Variants in PPM1L observed in about 807,000 individuals in gnomAD.
The protein encoded by PPM1L is protein phosphatase 1L.
PPM1L carries 13 observed loss-of-function variants against 31.4 expected under a neutral mutation model. The ratio of observed to expected loss-of-function variants is 0.41; its 90% CI spans 0.27 to 0.66. The LOEUF is 0.66. Among genes scored for constraint, PPM1L ranks in the 30% least tolerant of loss-of-function variants. The pLI is 0.29. For missense variants in PPM1L, 326 were observed against 453.7 expected, an observed-to-expected ratio of 0.72 and a Z score of 2.56; for synonymous variants, 184 against 175.4, an observed-to-expected ratio of 1.05 and a Z score of -0.39.
At chr3:160,849,298 A>G (rs1714183533) in intron 1 of PPM1L, among the ~76,000 whole-genome samples, 1 of 152,202 alleles carries the variant, frequency 6.6e-6, no homozygotes, top group Admixed American at 6.5e-5. Context: ...CCAGAGCCAC[A>G]TTAGGGAATG....
chr3:160,957,797 T>C (rs1020128900), intron 1 of PPM1L, among the ~76,000 whole-genome samples: 4 of 152,100 alleles, frequency 2.6e-5, no homozygotes, highest in South Asian at 2.1e-4. Flanking sequence ...AGGATGGTCT[T>C]GATCTCCTGA....
At chr3:160,867,753 G>A (rs780443927) in intron 1 of PPM1L, among the ~76,000 whole-genome samples, 1 of 152,188 alleles carries the variant, frequency 6.6e-6, no homozygotes, top group Non-Finnish European at 1.5e-5. Flanking sequence ...CACAGTGCAA[G>A]TTGGTGGCAT....
intron 1 of PPM1L, among the ~76,000 whole-genome samples, chr3:160,945,643 T>C (rs1715384342): frequency 1.3e-5 from 2 of 152,152 alleles, no homozygotes; most frequent in Admixed American, 1.3e-4. Context: ...TCAGAGTTAC[T>C]TTTTAATCAT....
At chr3:160,817,100 G>A (rs1032742244) in intron 1 of PPM1L, among the ~76,000 whole-genome samples, 2 of 152,074 alleles carry the variant, frequency 1.3e-5, no homozygotes, top group Non-Finnish European at 2.9e-5. Flanking sequence ...GAACAAAAAG[G>A]AAGCTGTAGA....
At chr3:161,044,103 G>A (rs986560172) in intron 2 of PPM1L, among the ~76,000 whole-genome samples, 1 of 152,108 alleles carries the variant, frequency 6.6e-6, no homozygotes, top group Non-Finnish European at 1.5e-5. Context: ...GCAGTGGTGC[G>A]ATTTTGGTTC....
At chr3:160,783,327 C>T (rs904611055) in intron 1 of PPM1L, among the ~76,000 whole-genome samples, 15 of 152,076 alleles carry the variant, frequency 9.9e-5, no homozygotes, top group Admixed American at 2.0e-4. Flanking sequence ...AGGCTGGGTG[C>T]GGTGGCTCAC....
At chr3:160,814,686 A>G (rs541735160) in intron 1 of PPM1L, among the ~76,000 whole-genome samples, 1 of 144,526 alleles carries the variant, frequency 6.9e-6, no homozygotes, top group South Asian at 2.2e-4. Context: ...TATATGGTAT[A>G]TACCATACGT....
rs1186931971 is a variant in PPM1L, at chr3:161,058,118, CTTTTTT to C, written c.575-7266_575-7261del. Among the ~76,000 whole-genome samples, 35 of 54,926 alleles carry C rather than the reference CTTTTTT, an allele frequency of 6.4e-4. 1 individual carries two copies. The highest frequency in any genetic ancestry group is 2.8e-3 in the Admixed American group (9 of 3,264). 36.0% of individuals were successfully genotyped at this position (54,926 alleles called of 152,430 possible). A position where few individuals can be genotyped will look rare whatever the true frequency, so the allele number is the denominator to read the frequency against. ...TTAGTAGGGTCCATCATTTTCTTTC[CTTTTTT>C]TTTTTTTTTTTTTTTTTTGACGCAG... is the stretch of plus-strand genomic sequence containing the variant. On this transcript the variant is annotated intron_variant, in intron 2 of 3. Transcript: ENST00000498165.
intron 1 of PPM1L, among the ~76,000 whole-genome samples, chr3:160,938,397 T>A (rs936819452): frequency 6.6e-6 from 1 of 152,238 alleles, no homozygotes; most frequent in Non-Finnish European, 1.5e-5. Context: ...CCTTTAGGTT[T>A]ATGGAGTTTA....
intron 2 of PPM1L, among the ~76,000 whole-genome samples, chr3:161,007,782 G>A (rs1717761139): frequency 6.6e-6 from 1 of 152,098 alleles, no homozygotes. Flanking sequence ...TTTTTACTGT[G>A]AGCAAGATGA....
At chr3:160,999,824 C>T (rs1717426170) in intron 2 of PPM1L, among the ~76,000 whole-genome samples, 1 of 152,244 alleles carries the variant, frequency 6.6e-6, no homozygotes, top group Non-Finnish European at 1.5e-5. Flanking sequence ...TTACCTTTGA[C>T]TCACCAGAAG....
chr3:160,929,600 T>A (rs1435902820), intron 1 of PPM1L, among the ~76,000 whole-genome samples: 1 of 152,254 alleles, frequency 6.6e-6, no homozygotes, highest in Non-Finnish European at 1.5e-5. Flanking sequence ...CTGGTCACTG[T>A]GAGTTTCTGC....
intron 1 of PPM1L, among the ~76,000 whole-genome samples, chr3:160,908,300 C>G (rs12638531): frequency 0.024 from 3,581 of 152,160 alleles, 117 homozygotes; most frequent in African/African-American, 0.067. Context: ...AGTGCTTTTA[C>G]TGTGGAAGTT....
At chr3:161,005,468 C>T (rs1462783571) in intron 2 of PPM1L, among the ~76,000 whole-genome samples, 1 of 152,070 alleles carries the variant, frequency 6.6e-6, no homozygotes, top group African/African-American at 2.4e-5. Flanking sequence ...AAGAGATGGC[C>T]ATCTCAAGGT....
rs1714075993 is a variant in PPM1L at position 160,914,243 on chromosome 3, G to T, written c.400-47493G>T. Among the ~76,000 whole-genome samples the T allele has an allele frequency of 3.9e-5, 6 of 152,126 alleles. No homozygotes were observed. In the South Asian group the frequency reaches 1.2e-3, roughly 32 times the overall value. On this transcript the variant is annotated intron_variant, in intron 1 of 3. Transcript: ENST00000498165. ...TTGTGAAGCATCTGTTCAAATCTTT[G>T]ATTTTTTTTACTGTGTTATTTGACT... is the stretch of plus-strand genomic sequence containing the variant.
At position 160,869,713 on chromosome 3, in the gene PPM1L, A is replaced by G. The variant is rs575899013; in HGVS notation, c.400-92023A>G. 4.2e-3 allele frequency among the ~76,000 whole-genome samples: 397 copies of G among 95,078 alleles called. 2 individuals carry two copies. Among genetic ancestry groups the G allele is most frequent in the African/African-American group, 0.013 (381 of 29,180 alleles). 62.4% of individuals were successfully genotyped at this position (95,078 alleles called of 152,430 possible). On this transcript the variant is annotated intron_variant, in intron 1 of 3. Coordinates refer to ENST00000498165, the MANE Select transcript of PPM1L (RefSeq NM_139245.4). Reference sequence around the variant, plus strand: ...CTTTTATAGGTTCTGCCTTTGGTGCAATGTATGTGTGTGTGTGTGTGTGTG... The same window carrying G: ...CTTTTATAGGTTCTGCCTTTGGTGCGATGTATGTGTGTGTGTGTGTGTGTG...
intron 1 of PPM1L, among the ~76,000 whole-genome samples, chr3:160,849,815 C>T (rs1171720670): frequency 6.6e-6 from 1 of 152,194 alleles, no homozygotes; most frequent in Non-Finnish European, 1.5e-5. Context: ...CCGCCTGCCT[C>T]AGCCTCCCAA....
intron 1 of PPM1L, among the ~76,000 whole-genome samples, chr3:160,792,174 A>G (rs764287314): frequency 6.6e-6 from 1 of 152,196 alleles, no homozygotes; most frequent in Non-Finnish European, 1.5e-5. Context: ...AAGTGAGGCT[A>G]AGACACGTAA....
chr3:160,978,606 A>G (rs1716687651), intron 2 of PPM1L, among the ~76,000 whole-genome samples: 1 of 152,090 alleles, frequency 6.6e-6, no homozygotes, highest in African/African-American at 2.4e-5. Flanking sequence ...TAAGTGGGAG[A>G]ATTGCTTGAG....
Sources: gnomAD v4.1 joint callset for allele counts (sites outside exome capture counted in the v4.1 genomes callset) on GRCh38, gnomAD v4.1.1 for gene constraint, MANE v1.5 for transcripts, NCBI Gene and HGNC (gene_info 2026-07-23, HGNC 2026-07-21) for gene names.